The following ERFE variants were observed in gnomAD, a reference collection of about 807,000 sequenced individuals.
ERFE encodes the protein complement C1q tumor necrosis factor-related protein 15.
A neutral mutation model predicts 26.6 loss-of-function variants in ERFE; 25 were observed. The observed-to-expected ratio is 0.94, with a 90% CI of 0.69 to 1.31. The LOEUF is 1.31. Among genes scored for constraint, ERFE ranks in the 40% most tolerant of loss-of-function variants. ERFE has a pLI of 0.00. For missense variants in ERFE, 447 were observed against 440.2 expected (o/e 1.02, Z -0.14); for synonymous variants, 206 against 204.5 (o/e 1.01, Z -0.06).
At position 238,167,279 on chromosome 2, in the gene ERFE, G is replaced by T; in HGVS notation, c.*225G>T. On this transcript the variant is annotated 3_prime_UTR_variant, in exon 8 of 8. Coordinates refer to ENST00000546354, the MANE Select transcript of ERFE (RefSeq NM_001291832.2). ...CAGGGTTGATTCAGGACACCATCTT[G>T]GGCTCTTATCCAGGAAAGAAAGAGT... is the stretch of plus-strand genomic sequence containing the variant. 1.4e-6 allele frequency: 1 copy of T among 701,954 alleles called. No homozygotes were observed. Among genetic ancestry groups the T allele is most frequent in the Admixed American group, 2.0e-5 (1 of 49,926 alleles). The allele number at this position is 701,954 out of a possible 1,614,324, so 43.5% of individuals were successfully genotyped here. A position where few individuals can be genotyped will look rare whatever the true frequency, so the allele number is the denominator to read the frequency against.
chr2:238,166,746 G>A (rs973432487), intron 7 of ERFE, among the ~76,000 whole-genome samples: 1 of 152,262 alleles, frequency 6.6e-6, no homozygotes, highest in African/African-American at 2.4e-5. Flanking sequence ...GAACTGTAGG[G>A]CGCTGCAGGG....
chr2:238,163,072 A>G (rs1692964707), intron 3 of ERFE, among the ~76,000 whole-genome samples: 1 of 152,232 alleles, frequency 6.6e-6, no homozygotes, highest in South Asian at 2.1e-4. Flanking sequence ...AACCATGGCC[A>G]GGAGAAGGCT....
Position 238,167,159 on chromosome 2 carries a change from C to T in ERFE, c.*105C>T. 8.2e-7 allele frequency: 1 copy of T among 1,222,664 alleles called. No homozygotes were observed. Among genetic ancestry groups the T allele is most frequent in the Non-Finnish European group, 1.2e-6 (1 of 859,652 alleles). The allele number at this position is 1,222,664 out of a possible 1,614,324, so 75.7% of individuals were successfully genotyped here. Reference sequence around the variant, plus strand: ...TGGCCACATGGAGGAGGAGGCCCACCCGGAACTCTGCCCACACTGGCCACT... The same window carrying T: ...TGGCCACATGGAGGAGGAGGCCCACTCGGAACTCTGCCCACACTGGCCACT... On this transcript the variant is annotated 3_prime_UTR_variant, in exon 8 of 8. Transcript: ENST00000546354.
rs917561762 is a variant in ERFE, at chr2:238,164,147, G to A, written c.760G>A (p.Ala254Thr). The A allele has an allele frequency of 6.2e-6, 9 of 1,460,156 alleles. No individual in the cohort carries two copies. The African/African-American group carries it at 7.4e-5, about 12-fold the overall frequency. The allele number at this position is 1,460,156 out of a possible 1,614,324, so 90.4% of individuals were successfully genotyped here. ...CAGCGGCCAGTACAGGGCGCCCGTG[G>A]CTGGCTTCTACGCTCTCGCCGCCAC... ...LTSGQYRAPVAGFYALAATLH... is the reference protein window; with the variant it reads ...LTSGQYRAPVTGFYALAATLH... Residue 254 changes from alanine (A) to threonine (T), a missense_variant, in exon 5 of 8, where the codon GCT becomes ACT. By Grantham distance (58) the Ala-to-Thr change is moderately conservative. Coordinates refer to ENST00000546354, the MANE Select transcript of ERFE (RefSeq NM_001291832.2).
chr2:238,164,159 G>C lies in ERFE; in HGVS notation c.772G>C (p.Ala258Pro). 6.9e-7 allele frequency: 1 copy of C among 1,450,948 alleles called. No homozygotes were observed. The highest frequency in any genetic ancestry group is 1.3e-5 in the South Asian group (1 of 74,232). The allele number at this position is 1,450,948 out of a possible 1,614,324, so 89.9% of individuals were successfully genotyped here. A position where few individuals can be genotyped will look rare whatever the true frequency, so the allele number is the denominator to read the frequency against. The change falls in exon 5 of 8, where the codon GCT becomes CCT. Residue 258 changes from alanine (A) to proline (P), a missense_variant. Physicochemically the swap from Ala to Pro is conservative, Grantham distance 27. Coordinates refer to ENST00000546354, the MANE Select transcript of ERFE (RefSeq NM_001291832.2). The stretch of plus-strand genomic sequence containing the variant: ...CAGGGCGCCCGTGGCTGGCTTCTAC[G>C]CTCTCGCCGCCACGCTGCACGTGGG... ...QYRAPVAGFY[A>P]LAATLHVALG...
In ERFE at chr2:238,163,792, CG is replaced by C. The variant is rs975260415; in HGVS notation, c.483del (p.Pro162ArgfsTer81). ...CCGAACCCTGTACGTGTGGCCCCGC[CG>C]GGCCGGTCGCTGCGAGCCTCGCCCC... ...EPEPCTCGPA[G>X]PVAASLAPVS... On this transcript the variant is annotated frameshift_variant, in exon 4 of 8. Coordinates refer to ENST00000546354, the MANE Select transcript of ERFE (RefSeq NM_001291832.2). LOFTEE classifies it high-confidence loss of function. The C allele has an allele frequency of 3.7e-6, 5 of 1,353,194 alleles. No homozygotes were observed. The highest frequency in any genetic ancestry group is 2.2e-4 in the Middle Eastern group (1 of 4,472). The allele number at this position is 1,353,194 out of a possible 1,614,324, so 83.8% of individuals were successfully genotyped here.
intron 6 of ERFE, 28 bp from the exon 7 acceptor site, chr2:238,165,578 G>T: frequency 6.5e-7 from 1 of 1,534,294 alleles, no homozygotes; most frequent in Non-Finnish European, 8.8e-7. Context: ...CATGGGGCAG[G>T]CTGACCCTCC....
In ERFE at chr2:238,165,678, C is replaced by G; in HGVS notation, c.960C>G (p.Tyr320Ter). Residue 320 changes from tyrosine (Y) to a stop codon, truncating the protein, a stop_gained, in exon 7 of 8, where the codon TAC becomes TAG. Transcript: ENST00000546354. LOFTEE classifies it high-confidence loss of function. ...CCATCTCTGTGAATGGCGTCCTGTA[C>G]CTGCAGGTGAGTGCGGCAGGCTTGG... ...LFTISVNGVLYLQMGQWTSVF... is the reference protein window; with the variant it reads ...LFTISVNGVL 1.9e-6 allele frequency: 3 copies of G among 1,548,662 alleles called. No individual in the cohort carries two copies. The highest frequency in any genetic ancestry group is 2.6e-6 in the Non-Finnish European group (3 of 1,145,474).
rs1418361483 is a variant in ERFE, at chr2:238,167,430, A to G, written c.*376A>G. 9 of 502,990 alleles carry G rather than the reference A, an allele frequency of 1.8e-5. No individual in the cohort carries two copies. The highest frequency in any genetic ancestry group is 1.3e-4 in the African/African-American group (7 of 51,944). The allele number at this position is 502,990 out of a possible 1,614,324, so 31.2% of individuals were successfully genotyped here. ...AGCCCCACCTTTTCCACCTCTCTTC[A>G]TGTTCTCATGGAGTGCAAAGTGCAC... On this transcript the variant is annotated 3_prime_UTR_variant, in exon 8 of 8. Coordinates refer to ENST00000546354, the MANE Select transcript of ERFE (RefSeq NM_001291832.2).
rs1472982505 is a variant in ERFE, at chr2:238,167,615, A to C, written c.*561A>C. 2.7e-6 allele frequency: 1 copy of C among 366,902 alleles called. No individual in the cohort carries two copies. Among genetic ancestry groups the C allele is most frequent in the African/African-American group, 2.1e-5 (1 of 47,182 alleles). The allele number at this position is 366,902 out of a possible 1,614,324, so 22.7% of individuals were successfully genotyped here. On this transcript the variant is annotated 3_prime_UTR_variant, in exon 8 of 8. Coordinates refer to ENST00000546354, the MANE Select transcript of ERFE (RefSeq NM_001291832.2). ...CCTTGGTCTTCCCTGCCCCTCCCCTAACCGTGTTCTACCTGCCAGTGGAGC... is the reference window on the plus strand; with the variant it reads ...CCTTGGTCTTCCCTGCCCCTCCCCTCACCGTGTTCTACCTGCCAGTGGAGC...
rs1484413715 is a variant in ERFE at position 238,162,858 on chromosome 2, G to A, written c.424+20G>A. On this transcript the variant is annotated intron_variant, in intron 3 of 7. Coordinates refer to ENST00000546354, the MANE Select transcript of ERFE (RefSeq NM_001291832.2). ...TGAAAGGTAGGGGTGTGCACCGGCT[G>A]GGACACACACACCCCGCTGTGAGCA... 1 of 1,531,696 alleles carries A rather than the reference G, an allele frequency of 6.5e-7. No homozygotes were observed. The highest frequency in any genetic ancestry group is 2.0e-5 in the Admixed American group (1 of 50,508). 94.9% of individuals were successfully genotyped at this position (1,531,696 alleles called of 1,614,324 possible).
Position 238,167,166 on chromosome 2 carries a change from T to G in ERFE, c.*112T>G, listed in dbSNP as rs777387884. On this transcript the variant is annotated 3_prime_UTR_variant, in exon 8 of 8. Coordinates refer to ENST00000546354, the MANE Select transcript of ERFE (RefSeq NM_001291832.2). Reference sequence around the variant, plus strand: ...ATGGAGGAGGAGGCCCACCCGGAACTCTGCCCACACTGGCCACTGCAGTTC... The same window carrying G: ...ATGGAGGAGGAGGCCCACCCGGAACGCTGCCCACACTGGCCACTGCAGTTC... 1.7e-6 allele frequency: 2 copies of G among 1,154,120 alleles called. No individual in the cohort carries two copies. The highest frequency in any genetic ancestry group is 1.3e-6 in the Non-Finnish European group (1 of 797,454). 71.5% of individuals were successfully genotyped at this position (1,154,120 alleles called of 1,614,324 possible). A position where few individuals can be genotyped will look rare whatever the true frequency, so the allele number is the denominator to read the frequency against.
At position 238,163,956 on chromosome 2, in the gene ERFE, T is replaced by G; in HGVS notation, c.644T>G (p.Leu215Trp). The change falls in exon 4 of 8, where the codon TTG becomes TGG. Residue 215 changes from leucine (L) to tryptophan (W), a missense_variant. Transcript: ENST00000546354. ...CTCTGCCGCCTGCGCCGGGACGCGT[T>G]GGTGGAGCGGCGCGCGCTGCACGAG... Reference protein sequence around the residue: ...AFLCRLRRDALVERRALHELG... With the variant: ...AFLCRLRRDAWVERRALHELG... The G allele has an allele frequency of 7.2e-7, 1 of 1,380,016 alleles. No individual in the cohort carries two copies. The highest frequency in any genetic ancestry group is 9.3e-7 in the Non-Finnish European group (1 of 1,073,504). The allele number at this position is 1,380,016 out of a possible 1,614,324, so 85.5% of individuals were successfully genotyped here. A position where few individuals can be genotyped will look rare whatever the true frequency, so the allele number is the denominator to read the frequency against.
At chr2:238,162,356 C>T (rs1574767837) in intron 2 of ERFE, among the ~76,000 whole-genome samples, 1 of 152,236 alleles carries the variant, frequency 6.6e-6, no homozygotes, top group African/African-American at 2.4e-5. Flanking sequence ...GCTTCTGGTT[C>T]GGGTCCCAAC....
In ERFE at chr2:238,162,806, CGCTGCTGAAGGAGTTCCAGCT is replaced by C. The variant is rs1692959078; in HGVS notation, c.402_422del (p.Glu135_Lys141del). 3 of 1,550,410 alleles carry C rather than the reference CGCTGCTGAAGGAGTTCCAGCT, an allele frequency of 1.9e-6. No individual in the cohort carries two copies. Among genetic ancestry groups the C allele is most frequent in the Non-Finnish European group, 1.7e-6 (2 of 1,146,898 alleles). Reference sequence around the variant, plus strand: ...CCAGGCCCCATCATCCCACCCGAGGCGCTGCTGAAGGAGTTCCAGCTGCTGCTGAAAGGTAGGGGTGTGCAC... The same window carrying C: ...CCAGGCCCCATCATCCCACCCGAGGCGCTGCTGAAAGGTAGGGGTGTGCAC... On this transcript the variant is annotated inframe_deletion, in exon 3 of 8. Transcript: ENST00000546354.
rs1224271395 is a variant in ERFE at position 238,163,990 on chromosome 2, C to CGT, written c.678_679insGT (p.Tyr227ValfsTer17). Reference sequence around the variant, plus strand: ...GGCGCGCGCTGCACGAGCTTGGCGTCTACTACCTGGTGAGTGCCGGCGCGC... The same window carrying CGT: ...GGCGCGCGCTGCACGAGCTTGGCGTCGTTACTACCTGGTGAGTGCCGGCGCGC... On this transcript the variant is annotated frameshift_variant, in exon 4 of 8. Coordinates refer to ENST00000546354, the MANE Select transcript of ERFE (RefSeq NM_001291832.2). LOFTEE classifies it high-confidence loss of function. 1 of 1,389,484 alleles carries CGT rather than the reference C, an allele frequency of 7.2e-7. No individual in the cohort carries two copies. The highest frequency in any genetic ancestry group is 9.3e-7 in the Non-Finnish European group (1 of 1,078,922). The allele number at this position is 1,389,484 out of a possible 1,614,324, so 86.1% of individuals were successfully genotyped here. A position where few individuals can be genotyped will look rare whatever the true frequency, so the allele number is the denominator to read the frequency against.
chr2:238,164,597 G>C (rs925631116), intron 6 of ERFE: 1 of 529,892 alleles, frequency 1.9e-6, no homozygotes. Context: ...GCTCACGCCT[G>C]TAATCGCAGC....
rs1434347249 is a variant in ERFE at position 238,164,308 on chromosome 2, C to A, written c.835C>A (p.Arg279=). ...EPPRRGPPRP[R]DHLRLLICIQ... is the part of the protein sequence containing the mutation. ...GCCGAGGAGGGGGCCGCCGCGCCCC[C>A]GGGACCACCTGCGCCTGCTCATCTG... Residue 279 remains arginine, a synonymous_variant, in exon 6 of 8, where the codon CGG becomes AGG. Transcript: ENST00000546354. The A allele has an allele frequency of 2.0e-6, 3 of 1,523,954 alleles. No individual in the cohort carries two copies. The highest frequency in any genetic ancestry group is 4.0e-5 in the Admixed American group (2 of 49,718). 94.4% of individuals were successfully genotyped at this position (1,523,954 alleles called of 1,614,324 possible). A position where few individuals can be genotyped will look rare whatever the true frequency, so the allele number is the denominator to read the frequency against.
Position 238,159,201 on chromosome 2 carries a change from C to T in ERFE, c.194C>T (p.Pro65Leu), listed in dbSNP as rs1692900522. ...GESRAGPAAR[P>L]PEPTAERAHS... is the part of the protein sequence containing the mutation. ...AGCCGCGCGGGGCCGGCCGCTCGTCCGCCGGTAAGACGCCCGGGCCCGCTC... is the reference window on the plus strand; with the variant it reads ...AGCCGCGCGGGGCCGGCCGCTCGTCTGCCGGTAAGACGCCCGGGCCCGCTC... The change falls in exon 1 of 8, where the codon CCG (proline) becomes CTG (leucine). Residue 65 changes from proline to leucine, a missense_variant. Coordinates refer to ENST00000546354, the MANE Select transcript of ERFE (RefSeq NM_001291832.2). 1 of 210,962 alleles carries T rather than the reference C, an allele frequency of 4.7e-6. No individual in the cohort carries two copies. Among genetic ancestry groups the T allele is most frequent in the Non-Finnish European group, 9.3e-6 (1 of 107,704 alleles). 13.1% of individuals were successfully genotyped at this position (210,962 alleles called of 1,614,324 possible).
Sources: allele counts gnomAD v4.1 joint callset (sites outside exome capture counted in the v4.1 genomes callset), GRCh38; gene constraint gnomAD v4.1.1; transcripts MANE v1.5; gene names NCBI Gene and HGNC (gene_info 2026-07-23, HGNC 2026-07-21).